Variants in LRP1B observed in about 807,000 individuals in gnomAD.
LRP1B encodes low-density lipoprotein receptor-related protein 1B.
Under a neutral mutation model 556.6 loss-of-function variants are expected in LRP1B, and 217 were observed. The ratio of observed to expected loss-of-function variants is 0.39; its 90% CI spans 0.35 to 0.44. The LOEUF (loss-of-function observed/expected upper bound fraction) is 0.44. Among genes scored for constraint, LRP1B ranks in the 20% least tolerant of loss-of-function variants. The pLI is 1.00. For synonymous variants in LRP1B, 2,047 were observed against 1,865.8 expected, an observed-to-expected ratio of 1.10 and a Z score of -2.50; for missense variants, 5,053 against 5,620.8, an observed-to-expected ratio of 0.90 and a Z score of 3.23.
At chr2:141,223,985 T>C (rs1033199833) in intron 6 of LRP1B, among the ~76,000 whole-genome samples, 1 of 152,198 alleles carries the variant, frequency 6.6e-6, no homozygotes, top group Non-Finnish European at 1.5e-5. Flanking sequence ...AAAGATTTCC[T>C]GACAAAATTG....
chr2:140,824,042 C>T (rs1481268673), intron 31 of LRP1B, among the ~76,000 whole-genome samples: 2 of 151,608 alleles, frequency 1.3e-5, no homozygotes, highest in Admixed American at 6.6e-5. Flanking sequence ...ACCTCAATGA[C>T]ATGAGTTTAC....
At chr2:140,324,428 C>A (rs1227437498) in intron 80 of LRP1B, among the ~76,000 whole-genome samples, 1 of 152,052 alleles carries the variant, frequency 6.6e-6, no homozygotes, top group Non-Finnish European at 1.5e-5. Context: ...TTACACAACT[C>A]AGTTTGTGTT....
At chr2:141,191,782 T>A (rs1225638872) in intron 6 of LRP1B, among the ~76,000 whole-genome samples, 1 of 151,888 alleles carries the variant, frequency 6.6e-6, no homozygotes, top group East Asian at 1.9e-4. Context: ...TTTTTGAGTC[T>A]TTTTGTATTA....
Position 141,023,846 on chromosome 2 carries a change from C to G in LRP1B, c.1790-3744G>C, listed in dbSNP as rs933532687. Reference sequence around the variant, plus strand: ...AACCATAGTTTCTACATTTTTCTACCTTATACAAGTTTATCCAGTGTTATC... The same window carrying G: ...AACCATAGTTTCTACATTTTTCTACGTTATACAAGTTTATCCAGTGTTATC... On this transcript the variant is annotated intron_variant, in intron 11 of 90. Coordinates refer to ENST00000389484, the MANE Select transcript of LRP1B (RefSeq NM_018557.3). Among the ~76,000 whole-genome samples, 4 of 152,088 alleles carry G rather than the reference C, an allele frequency of 2.6e-5. No homozygotes were observed. The East Asian group carries it at 5.8e-4, about 22-fold the overall frequency.
At chr2:140,777,029 T>C (rs2104953257) in intron 32 of LRP1B, among the ~76,000 whole-genome samples, 1 of 152,304 alleles carries the variant, frequency 6.6e-6, no homozygotes, top group Admixed American at 6.5e-5. Context: ...TCTGAAAAAC[T>C]TGTGTTCTTT....
At chr2:141,414,400 A>G (rs1234178924) in intron 3 of LRP1B, among the ~76,000 whole-genome samples, 3 of 147,336 alleles carry the variant, frequency 2.0e-5, no homozygotes, top group Non-Finnish European at 4.5e-5. Context: ...AGAAAGGAAG[A>G]CAACTAAAGC....
Position 141,300,542 on chromosome 2 carries a change from G to A in LRP1B, c.344-45901C>T, listed in dbSNP as rs182792115. 1.8e-3 allele frequency among the ~76,000 whole-genome samples: 268 copies of A among 152,320 alleles called. 1 individual carries two copies. The highest frequency in any genetic ancestry group is 3.0e-3 in the Non-Finnish European group (204 of 68,032). On this transcript the variant is annotated intron_variant, in intron 3 of 90. Coordinates refer to ENST00000389484, the MANE Select transcript of LRP1B (RefSeq NM_018557.3). ...CTTAGGTCAAATTGATAGCCTCAATGTTGAAGGTGAGCTTCGTGGCTGATT... is the reference window on the plus strand; with the variant it reads ...CTTAGGTCAAATTGATAGCCTCAATATTGAAGGTGAGCTTCGTGGCTGATT...
chr2:141,596,298 G>A (rs1000245010), intron 2 of LRP1B, among the ~76,000 whole-genome samples: 3 of 151,898 alleles, frequency 2.0e-5, no homozygotes, highest in Admixed American at 6.6e-5. Context: ...CTAAAATTGA[G>A]TTTCTGAAAT....
intron 84 of LRP1B, among the ~76,000 whole-genome samples, chr2:140,277,036 A>G (rs1023151479): frequency 6.6e-6 from 1 of 151,966 alleles, no homozygotes; most frequent in Non-Finnish European, 1.5e-5. Flanking sequence ...ATTAACTAAC[A>G]TTGAAAACCA....
At chr2:140,386,435 A>G (rs1166147585) in intron 66 of LRP1B, among the ~76,000 whole-genome samples, 4 of 152,144 alleles carry the variant, frequency 2.6e-5, no homozygotes. Flanking sequence ...TGTGGTTGTC[A>G]TCTTGTCTTT....
chr2:140,606,802 AC>A (rs1458841897), intron 41 of LRP1B, among the ~76,000 whole-genome samples: 19 of 151,988 alleles, frequency 1.3e-4, no homozygotes, highest in African/African-American at 4.6e-4. Flanking sequence ...CACACATATA[AC>A]TAAAAATATA....
At chr2:140,393,699 G>A (rs1423435600) in intron 66 of LRP1B, among the ~76,000 whole-genome samples, 2 of 152,054 alleles carry the variant, frequency 1.3e-5, no homozygotes, top group African/African-American at 2.4e-5. Context: ...ATAATGAGGT[G>A]AAAAGAACTA....
chr2:141,213,008 T>G (rs926021771), intron 6 of LRP1B, among the ~76,000 whole-genome samples: 2 of 152,138 alleles, frequency 1.3e-5, no homozygotes, highest in African/African-American at 4.8e-5. Context: ...ACTCTGTCTT[T>G]TAAGCTGGAG....
At chr2:140,532,947 T>TATATATACACACAC in intron 47 of LRP1B, among the ~76,000 whole-genome samples, 1 of 124,282 alleles carries the variant, frequency 8.0e-6, no homozygotes. Flanking sequence ...TATATATATA[T>TATATATACACACAC]ACACATATAT....
At chr2:141,292,663 A>C (rs1686022607) in intron 3 of LRP1B, among the ~76,000 whole-genome samples, 1 of 152,176 alleles carries the variant, frequency 6.6e-6, no homozygotes, top group African/African-American at 2.4e-5. Context: ...GATAACCTAT[A>C]ATGTAAAAAT....
intron 41 of LRP1B, among the ~76,000 whole-genome samples, chr2:140,677,419 A>T (rs6711580): frequency 8.5e-4 from 129 of 152,192 alleles, no homozygotes; most frequent in Admixed American, 2.2e-3. Flanking sequence ...GAGAAATGAG[A>T]ATTTTTGTAG....
chr2:141,133,096 G>T (rs1336428120), intron 7 of LRP1B, among the ~76,000 whole-genome samples: 1 of 151,854 alleles, frequency 6.6e-6, no homozygotes, highest in East Asian at 1.9e-4. Context: ...CACCAACTTT[G>T]AACCCGACTG....
At position 141,121,665 on chromosome 2, in the gene LRP1B, C is replaced by G. The variant is rs569130302; in HGVS notation, c.1014-59392G>C. Among the ~76,000 whole-genome samples the G allele has an allele frequency of 3.9e-5, 6 of 152,036 alleles. No individual in the cohort carries two copies. The South Asian group carries it at 6.2e-4, about 16-fold the overall frequency. ...GGAAGAATCAATATCGTGAAAATGG[C>G]CATACTGCCCAAGGTAATTTATAGA... On this transcript the variant is annotated intron_variant, in intron 7 of 90. Coordinates refer to ENST00000389484, the MANE Select transcript of LRP1B (RefSeq NM_018557.3).
At chr2:141,144,958 A>T (rs560448710) in intron 7 of LRP1B, among the ~76,000 whole-genome samples, 118 of 152,300 alleles carry the variant, frequency 7.7e-4, no homozygotes, top group Non-Finnish European at 1.5e-3. Flanking sequence ...AGCTATTAGT[A>T]CTCTTTTTGT....
Sources: gnomAD v4.1 joint callset for allele counts (sites outside exome capture counted in the v4.1 genomes callset) on GRCh38, gnomAD v4.1.1 for gene constraint, MANE v1.5 for transcripts, NCBI Gene and HGNC (gene_info 2026-07-23, HGNC 2026-07-21) for gene names.